MARCHF11: variants seen among roughly 807,000 people sequenced by gnomAD.
The protein encoded by MARCHF11 is E3 ubiquitin-protein ligase MARCHF11.
A neutral mutation model predicts 37.3 loss-of-function variants in MARCHF11; 29 were observed. The observed-to-expected ratio is 0.78, with a 90% CI of 0.58 to 1.06. MARCHF11 has a LOEUF of 1.06. MARCHF11 is among the 50% of genes least tolerant of loss of function. The pLI, the probability that MARCHF11 is intolerant of heterozygous loss-of-function variation, is 0.00. For missense variants in MARCHF11, 482 were observed against 533.4 expected, an observed-to-expected ratio of 0.90 and a Z score of 0.95; for synonymous variants, 233 against 228.0, an observed-to-expected ratio of 1.02 and a Z score of -0.20.
chr5:16,076,568 G>A (rs1054383816), intron 3 of MARCHF11, among the ~76,000 whole-genome samples: 13 of 152,172 alleles, frequency 8.5e-5, no homozygotes, highest in African/African-American at 2.9e-4. Context: ...GAAACACCTT[G>A]CAGCAAAGGG....
intron 2 of MARCHF11, among the ~76,000 whole-genome samples, chr5:16,155,178 T>C (rs1737959664): frequency 6.6e-6 from 1 of 151,902 alleles, no homozygotes; most frequent in African/African-American, 2.4e-5. Flanking sequence ...TACTAGACTA[T>C]TAAGTGAAAG....
chr5:16,095,859 T>G (rs1736859217), intron 2 of MARCHF11, among the ~76,000 whole-genome samples: 1 of 152,268 alleles, frequency 6.6e-6, no homozygotes, highest in South Asian at 2.1e-4. Context: ...CTGAGTCTCA[T>G]GCCCCCTCCT....
chr5:16,106,880 C>T (rs1737049404), intron 2 of MARCHF11, among the ~76,000 whole-genome samples: 1 of 152,212 alleles, frequency 6.6e-6, no homozygotes, highest in Admixed American at 6.5e-5. Flanking sequence ...AAAACAGGTG[C>T]TGTGTTTGGA....
At chr5:16,069,461 C>T (rs931642173) in intron 3 of MARCHF11, among the ~76,000 whole-genome samples, 1 of 152,004 alleles carries the variant, frequency 6.6e-6, no homozygotes, top group Non-Finnish European at 1.5e-5. Context: ...GATATTAATG[C>T]TCAACATATT....
Position 16,111,412 on chromosome 5 carries a change from C to T in MARCHF11, c.694-20331G>A, listed in dbSNP as rs908412186. ...TTGTTGGCAACTGGGGTAAATGTGA[C>T]TCTTGCTATGTTTTAGCAAAGAGAC... On this transcript the variant is annotated intron_variant, in intron 2 of 3. Coordinates refer to ENST00000332432, the MANE Select transcript of MARCHF11 (RefSeq NM_001102562.3). Among the ~76,000 whole-genome samples, 3 of 152,294 alleles carry T rather than the reference C, an allele frequency of 2.0e-5. No homozygotes were observed. In the East Asian group the frequency reaches 5.8e-4, roughly 29 times the overall value.
chr5:16,169,658 C>G (rs536626115), intron 2 of MARCHF11, among the ~76,000 whole-genome samples: 121 of 152,112 alleles, frequency 8.0e-4, no homozygotes, highest in Non-Finnish European at 1.5e-3. Flanking sequence ...TCATGTGGAA[C>G]AGCTTTTGAA....
At chr5:16,072,588 G>T (rs572806873) in intron 3 of MARCHF11, among the ~76,000 whole-genome samples, 1 of 151,992 alleles carries the variant, frequency 6.6e-6, no homozygotes, top group African/African-American at 2.4e-5. Flanking sequence ...ATAACAGGGA[G>T]ATGGCAGTCT....
chr5:16,167,901 A>G (rs182533065), intron 2 of MARCHF11, among the ~76,000 whole-genome samples: 1 of 152,218 alleles, frequency 6.6e-6, no homozygotes, highest in Admixed American at 6.5e-5. Flanking sequence ...AGTACCAATT[A>G]TCAATTAAAA....
chr5:16,168,380 GCA>G (rs1190525172), intron 2 of MARCHF11, among the ~76,000 whole-genome samples: 1 of 152,002 alleles, frequency 6.6e-6, no homozygotes, highest in African/African-American at 2.4e-5. Context: ...AAAAATTCTG[GCA>G]CAGTTAGTTG....
chr5:16,145,792 T>C (rs1025943442), intron 2 of MARCHF11, among the ~76,000 whole-genome samples: 2 of 152,154 alleles, frequency 1.3e-5, no homozygotes, highest in African/African-American at 4.8e-5. Context: ...ACCATCTCCA[T>C]ATTTCAACAT....
intron 3 of MARCHF11, among the ~76,000 whole-genome samples, chr5:16,087,099 A>G (rs959319208): frequency 2.0e-5 from 3 of 152,252 alleles, no homozygotes; most frequent in Non-Finnish European, 2.9e-5. Flanking sequence ...ATTTACAATC[A>G]TGCCATCTAT....
At chr5:16,130,717 T>A (rs1383934969) in intron 2 of MARCHF11, among the ~76,000 whole-genome samples, 1 of 152,180 alleles carries the variant, frequency 6.6e-6, no homozygotes, top group Non-Finnish European at 1.5e-5. Context: ...TAATTTGTAT[T>A]GTCATTTTTG....
chr5:16,068,494 G>A (rs937485792), intron 3 of MARCHF11, among the ~76,000 whole-genome samples: 1 of 152,206 alleles, frequency 6.6e-6, no homozygotes, highest in African/African-American at 2.4e-5. Context: ...TAGCGGTGGA[G>A]AGCAGGGATT....
chr5:16,124,574 C>A (rs948398144), intron 2 of MARCHF11, among the ~76,000 whole-genome samples: 44 of 152,142 alleles, frequency 2.9e-4, no homozygotes, highest in African/African-American at 1.0e-3. Flanking sequence ...CAGACAGCCA[C>A]CAATGAAGTT....
At chr5:16,126,322 G>A (rs959603181) in intron 2 of MARCHF11, among the ~76,000 whole-genome samples, 1 of 152,164 alleles carries the variant, frequency 6.6e-6, no homozygotes, top group South Asian at 2.1e-4. Flanking sequence ...CCAATTCCAT[G>A]AGGCAACATG....
chr5:16,165,884 A>G (rs1293554601), intron 2 of MARCHF11, among the ~76,000 whole-genome samples: 6 of 152,006 alleles, frequency 3.9e-5, no homozygotes, highest in African/African-American at 4.8e-5. Flanking sequence ...AAGATGGGGG[A>G]ATTGAGCTCT....
intron 2 of MARCHF11, among the ~76,000 whole-genome samples, chr5:16,103,380 GT>G (rs1285809726): frequency 6.6e-6 from 1 of 152,138 alleles, no homozygotes; most frequent in Non-Finnish European, 1.5e-5. Flanking sequence ...GGGTTTTATT[GT>G]TGCTAGAGAG....
At chr5:16,082,831 T>C (rs1736634682) in intron 3 of MARCHF11, among the ~76,000 whole-genome samples, 1 of 152,190 alleles carries the variant, frequency 6.6e-6, no homozygotes, top group African/African-American at 2.4e-5. Context: ...ATACTTCCCA[T>C]GAAACTCAAA....
chr5:16,107,421 T>C (rs1341658963), intron 2 of MARCHF11, among the ~76,000 whole-genome samples: 1 of 152,140 alleles, frequency 6.6e-6, no homozygotes, highest in African/African-American at 2.4e-5. Flanking sequence ...TCAAAAAACG[T>C]CTTTGACAAA....
Sources: gnomAD v4.1 joint callset for allele counts (sites outside exome capture counted in the v4.1 genomes callset) on GRCh38, gnomAD v4.1.1 for gene constraint, MANE v1.5 for transcripts, NCBI Gene and HGNC (gene_info 2026-07-23, HGNC 2026-07-21) for gene names.